THADA: variants seen among roughly 807,000 people sequenced by gnomAD.
THADA encodes the protein tRNA (32-2'-O)-methyltransferase regulator THADA.
Under a neutral mutation model 219.8 loss-of-function variants are expected in THADA, and 213 were observed. The observed-to-expected ratio is 0.97, with a 90% CI of 0.87 to 1.09. The LOEUF (loss-of-function observed/expected upper bound fraction) is 1.09, where lower values mean the gene tolerates loss of function less well. THADA is among the 50% of genes least tolerant of loss of function. The probability of loss-of-function intolerance (pLI) is 0.00; values close to 1 mark genes in which losing one functional copy is unlikely to be tolerated. For missense variants in THADA, 2,956 were observed against 2,311.3 expected (o/e 1.28, Z -5.72); for synonymous variants, 1,018 against 828.9 (o/e 1.23, Z -3.92).
intron 22 of THADA, among the ~76,000 whole-genome samples, chr2:43,522,320 T>C (rs931876420): frequency 6.6e-6 from 1 of 152,204 alleles, no homozygotes; most frequent in East Asian, 1.9e-4. Context: ...TCATACATTA[T>C]TGAGGCTTAC....
chr2:43,318,233 GGCCTCACTA>G (rs1678299626), intron 31 of THADA, among the ~76,000 whole-genome samples: 1 of 151,336 alleles, frequency 6.6e-6, no homozygotes, highest in Non-Finnish European at 1.5e-5. Flanking sequence ...TTAGAGATGA[GGCCTCACTA>G]TGCTGCCAGG....
chr2:43,500,582 G>C (rs1222949834), intron 24 of THADA, among the ~76,000 whole-genome samples: 1 of 152,044 alleles, frequency 6.6e-6, no homozygotes, highest in Non-Finnish European at 1.5e-5. Flanking sequence ...TATCTAAAAA[G>C]ATGCAAAAAA....
At chr2:43,506,920 A>G (rs985309302) in intron 23 of THADA, among the ~76,000 whole-genome samples, 1 of 152,234 alleles carries the variant, frequency 6.6e-6, no homozygotes, top group African/African-American at 2.4e-5. Flanking sequence ...TTGATTTAGA[A>G]GAAATTTCTC....
At chr2:43,512,218 T>A (rs542490476) in intron 22 of THADA, among the ~76,000 whole-genome samples, 1 of 152,134 alleles carries the variant, frequency 6.6e-6, no homozygotes, top group Non-Finnish European at 1.5e-5. Flanking sequence ...GCTCCTACCA[T>A]CTAGTCCAAA....
chr2:43,254,705 T>C (rs1287404597), intron 36 of THADA, among the ~76,000 whole-genome samples: 1 of 152,188 alleles, frequency 6.6e-6, no homozygotes, highest in Admixed American at 6.5e-5. Context: ...AAGCAGCCAT[T>C]CTTCTCTAAT....
At chr2:43,352,931 T>C (rs1420757519) in intron 29 of THADA, among the ~76,000 whole-genome samples, 1 of 152,180 alleles carries the variant, frequency 6.6e-6, no homozygotes, top group Non-Finnish European at 1.5e-5. Context: ...CATGAGTTTA[T>C]TCTCCCGTTC....
intron 36 of THADA, among the ~76,000 whole-genome samples, chr2:43,264,647 A>T (rs1381536238): frequency 6.6e-6 from 1 of 152,088 alleles, no homozygotes; most frequent in East Asian, 1.9e-4. Flanking sequence ...GTTCAAAGAG[A>T]CTCAGTGCTG....
At chr2:43,250,177 A>T (rs1669667932) in intron 36 of THADA, among the ~76,000 whole-genome samples, 1 of 152,226 alleles carries the variant, frequency 6.6e-6, no homozygotes, top group Admixed American at 6.5e-5. Context: ...GGATGAATGG[A>T]TAAATAAAAT....
chr2:43,273,231 G>A (rs549658063), intron 36 of THADA, among the ~76,000 whole-genome samples: 14 of 150,138 alleles, frequency 9.3e-5, no homozygotes, highest in African/African-American at 3.4e-4. Context: ...TCGCCTGGGC[G>A]CCAAGAGTGA....
At chr2:43,418,614 T>C (rs746502849) in intron 28 of THADA, among the ~76,000 whole-genome samples, 1 of 152,094 alleles carries the variant, frequency 6.6e-6, no homozygotes, top group Non-Finnish European at 1.5e-5. Flanking sequence ...AGCTGTCCAA[T>C]AGAAAGTTGA....
intron 31 of THADA, among the ~76,000 whole-genome samples, chr2:43,299,811 A>C (rs967910592): frequency 2.0e-5 from 3 of 151,488 alleles, no homozygotes; most frequent in Non-Finnish European, 4.4e-5. Flanking sequence ...CAGATCACCC[A>C]AGGTCAGGAG....
chr2:43,414,451 G>T (rs190576303), intron 28 of THADA, among the ~76,000 whole-genome samples: 42 of 152,280 alleles, frequency 2.8e-4, no homozygotes, highest in African/African-American at 1.0e-3. Flanking sequence ...CGAAGTCAGA[G>T]TTCATCCAAC....
intron 30 of THADA, among the ~76,000 whole-genome samples, chr2:43,323,739 C>T (rs962710039): frequency 6.6e-6 from 1 of 152,122 alleles, no homozygotes; most frequent in Non-Finnish European, 1.5e-5. Flanking sequence ...ACCAACCAAC[C>T]AACCAACCAA....
In THADA at chr2:43,410,035, TAAG is replaced by T. The variant is rs527783864; in HGVS notation, c.4059-11899_4059-11897del. On this transcript the variant is annotated intron_variant, in intron 28 of 37. Transcript: ENST00000405975. ...TCATCTCTTAAAAAAAAAAAAAAAATAAGAGAGAGAAGAAAAGAAAGCAAACAA... is the reference window on the plus strand; with the variant it reads ...TCATCTCTTAAAAAAAAAAAAAAAATAGAGAGAAGAAAAGAAAGCAAACAA... 2.5e-3 allele frequency among the ~76,000 whole-genome samples: 348 copies of T among 137,136 alleles called. 4 individuals carry two copies. Among genetic ancestry groups the T allele is most frequent in the African/African-American group, 9.1e-3 (339 of 37,256 alleles). The allele number at this position is 137,136 out of a possible 152,430, so 90.0% of individuals were successfully genotyped here. A position where few individuals can be genotyped will look rare whatever the true frequency, so the allele number is the denominator to read the frequency against.
chr2:43,347,123 C>T (rs1667717031), intron 29 of THADA, among the ~76,000 whole-genome samples: 1 of 152,098 alleles, frequency 6.6e-6, no homozygotes, highest in African/African-American at 2.4e-5. Context: ...AAGAATCCAG[C>T]CTCATGGGAA....
intron 31 of THADA, among the ~76,000 whole-genome samples, chr2:43,311,256 A>G (rs1677479112): frequency 6.6e-6 from 1 of 152,178 alleles, no homozygotes; most frequent in African/African-American, 2.4e-5. Flanking sequence ...ATAAATGACC[A>G]ACTAGCACTA....
At chr2:43,336,120 T>C (rs777826271) in intron 30 of THADA, among the ~76,000 whole-genome samples, 28 of 150,528 alleles carry the variant, frequency 1.9e-4, no homozygotes, top group Non-Finnish European at 3.7e-4. Flanking sequence ...GTTAGCCAGG[T>C]CCAGTGGCAC....
intron 21 of THADA, among the ~76,000 whole-genome samples, chr2:43,530,513 T>C (rs1693728096): frequency 6.6e-6 from 1 of 152,166 alleles, no homozygotes; most frequent in African/African-American, 2.4e-5. Context: ...ATCATTTCGA[T>C]TATTAGAGAA....
At chr2:43,268,881 C>A (rs529590481) in intron 36 of THADA, among the ~76,000 whole-genome samples, 10 of 152,164 alleles carry the variant, frequency 6.6e-5, no homozygotes, top group Non-Finnish European at 1.3e-4. Flanking sequence ...CCAATAGAGT[C>A]AGGCCTGAAG....
Sources: allele counts gnomAD v4.1 joint callset (sites outside exome capture counted in the v4.1 genomes callset), GRCh38; gene constraint gnomAD v4.1.1; transcripts MANE v1.5; gene names NCBI Gene and HGNC (gene_info 2026-07-23, HGNC 2026-07-21).